The following SGCG variants were observed in gnomAD, a reference collection of about 807,000 sequenced individuals.
SGCG encodes the protein gamma-sarcoglycan.
A neutral mutation model predicts 29.3 loss-of-function variants in SGCG; 26 were observed. The observed-to-expected ratio is 0.89, with a 90% CI of 0.65 to 1.23. The LOEUF (loss-of-function observed/expected upper bound fraction) is 1.23. SGCG is among the 50% of genes most tolerant of loss of function. The pLI, the probability that SGCG is intolerant of heterozygous loss-of-function variation, is 0.00. For synonymous variants in SGCG, 145 were observed against 129.7 expected (o/e 1.12, Z -0.80); for missense variants, 353 against 356.0 (o/e 0.99, Z 0.07).
intron 4 of SGCG, among the ~76,000 whole-genome samples, chr13:23,267,269 G>A (rs1167801046): frequency 6.6e-6 from 1 of 152,164 alleles, no homozygotes; most frequent in Non-Finnish European, 1.5e-5. Flanking sequence ...CCTGATGCAC[G>A]AACAGAATCT....
intron 4 of SGCG, among the ~76,000 whole-genome samples, chr13:23,258,566 C>T (rs1880293931): frequency 2.0e-5 from 3 of 152,142 alleles, no homozygotes. Flanking sequence ...TTACCCTGGC[C>T]AGAACTTCCA....
Position 23,320,617 on chromosome 13 carries a change from G to GTTGTTTT in SGCG, c.579-20_579-19insTTGTTTT. The GTTGTTTT allele has an allele frequency of 1.1e-6, 1 of 912,350 alleles. No individual in the cohort carries two copies. Among genetic ancestry groups the GTTGTTTT allele is most frequent in the Non-Finnish European group, 1.5e-6 (1 of 671,286 alleles). The allele number at this position is 912,350 out of a possible 1,614,324, so 56.5% of individuals were successfully genotyped here. ...TAATACTTTTTTTTTTTTTTTTTGT[G>GTTGTTTT]CTTCTTTTCCTCATCTCAGATTAGA... is the stretch of plus-strand genomic sequence containing the variant. On this transcript the variant is annotated intron_variant, in intron 6 of 7. Coordinates refer to ENST00000218867, the MANE Select transcript of SGCG (RefSeq NM_000231.3).
chr13:23,183,036 G>A (rs1424466506), intron 1 of SGCG, among the ~76,000 whole-genome samples: 1 of 152,134 alleles, frequency 6.6e-6, no homozygotes, highest in Non-Finnish European at 1.5e-5. Context: ...AACATCTCTG[G>A]AAAGTCTAAC....
intron 7 of SGCG, 120 bp from the exon 8 acceptor site, chr13:23,324,248 G>A (rs1883147510): frequency 2.4e-6 from 2 of 840,410 alleles, no homozygotes; most frequent in Non-Finnish European, 2.0e-6. Flanking sequence ...ATAAAGTCAG[G>A]TGCCTATTTT....
rs551777066 is a variant in SGCG at position 23,317,315 on chromosome 13, G to T, written c.579-3322G>T. On this transcript the variant is annotated intron_variant, in intron 6 of 7. Coordinates refer to ENST00000218867, the MANE Select transcript of SGCG (RefSeq NM_000231.3). ...CATGCCCTGTGATTAAGGTCAATGG[G>T]AAACTACAACAGCCCAATCCAGGCA... 2.6e-5 allele frequency among the ~76,000 whole-genome samples: 4 copies of T among 152,290 alleles called. No homozygotes were observed. The South Asian group carries it at 8.3e-4, about 32-fold the overall frequency.
chr13:23,313,169 CT>C (rs11352200), intron 6 of SGCG, among the ~76,000 whole-genome samples: 39,919 of 145,798 alleles, frequency 0.27, 5,308 homozygotes, highest in East Asian at 0.35. Flanking sequence ...TCTTCTTCTT[CT>C]TTTTTTTTTT....
At chr13:23,218,221 T>C (rs1878505364) in intron 2 of SGCG, among the ~76,000 whole-genome samples, 1 of 152,176 alleles carries the variant, frequency 6.6e-6, no homozygotes, top group Non-Finnish European at 1.5e-5. Flanking sequence ...TAAGAAAACA[T>C]GTTAGTGTTC....
At chr13:23,250,888 G>A (rs1157588985) in intron 4 of SGCG, among the ~76,000 whole-genome samples, 171 bp downstream of exon 4, 3 of 152,174 alleles carry the variant, frequency 2.0e-5, no homozygotes, top group Non-Finnish European at 4.4e-5. Context: ...TGGGGTGGGG[G>A]GTGAGGGGAC....
At chr13:23,251,758 C>T (rs537733827) in intron 4 of SGCG, among the ~76,000 whole-genome samples, 95 of 152,056 alleles carry the variant, frequency 6.2e-4, no homozygotes, top group South Asian at 1.9e-3. Flanking sequence ...ATAAGAATAA[C>T]GAAGATATAT....
intron 2 of SGCG, among the ~76,000 whole-genome samples, chr13:23,206,263 C>T (rs1013811453): frequency 6.6e-6 from 1 of 152,160 alleles, no homozygotes; most frequent in African/African-American, 2.4e-5. Context: ...CAGCAGCTCT[C>T]TGGAACTTAC....
intron 2 of SGCG, among the ~76,000 whole-genome samples, chr13:23,219,880 G>A (rs1878589892): frequency 1.5e-5 from 2 of 129,436 alleles, no homozygotes; most frequent in Admixed American, 1.0e-4. Context: ...CGCCCAGGCT[G>A]GATGGAGTGC....
At chr13:23,201,916 G>A (rs1191455265) in intron 1 of SGCG, among the ~76,000 whole-genome samples, 1 of 152,144 alleles carries the variant, frequency 6.6e-6, no homozygotes, top group Admixed American at 6.5e-5. Flanking sequence ...TATTTCAAAT[G>A]ATAAGCACTT....
In SGCG at chr13:23,324,893, TC is replaced by T; in HGVS notation, c.*354del. Reference sequence around the variant, plus strand: ...GCCGTGTGGAGTTAATGTATGACGCTCCACTGTGGATATCTAATGCCCTGTT... The same window carrying T: ...GCCGTGTGGAGTTAATGTATGACGCTCACTGTGGATATCTAATGCCCTGTT... On this transcript the variant is annotated 3_prime_UTR_variant, in exon 8 of 8. Transcript: ENST00000218867. The T allele has an allele frequency of 5.5e-6, 2 of 361,980 alleles. No individual in the cohort carries two copies. The highest frequency in any genetic ancestry group is 2.2e-5 in the South Asian group (1 of 46,340). 22.4% of individuals were successfully genotyped at this position (361,980 alleles called of 1,614,324 possible).
At chr13:23,165,969 G>A in the SGCG span, among the ~76,000 whole-genome samples, 1 of 152,086 alleles carries the variant, frequency 6.6e-6, no homozygotes, top group African/African-American at 2.4e-5. Context: ...TTCCAAATAG[G>A]CAATCTTGTC....
chr13:23,243,777 A>T (rs1369497395), intron 3 of SGCG: 1 of 152,122 alleles, frequency 6.6e-6, no homozygotes, highest in Non-Finnish European at 1.5e-5. Flanking sequence ...CAATTTCCTC[A>T]TCCCTATATT....
At position 23,234,617 on chromosome 13, in the gene SGCG, A is replaced by T; in HGVS notation, c.202A>T (p.Met68Leu). ...TCTTTTTTTTTTTTAACAGGCAGGA[A>T]TGGGCCACTTGTGTGTAACAAAAGA... ...LKVMWFSPAG[M>L]GHLCVTKDGL... Residue 68 changes from methionine to leucine, a missense_variant, in exon 3 of 8, where the codon ATG (methionine) becomes TTG (leucine). By Grantham distance (15) the Met-to-Leu change is conservative. Transcript: ENST00000218867. 1 of 1,608,592 alleles carries T rather than the reference A, an allele frequency of 6.2e-7. No homozygotes were observed. The highest frequency in any genetic ancestry group is 1.3e-5 in the African/African-American group (1 of 74,828).
At chr13:23,277,196 C>A (rs1448897026) in intron 4 of SGCG, among the ~76,000 whole-genome samples, 9 of 152,080 alleles carry the variant, frequency 5.9e-5, no homozygotes, top group Admixed American at 4.6e-4. Context: ...GTAAGATGAA[C>A]CTCTAGTGAG....
intron 1 of SGCG, among the ~76,000 whole-genome samples, chr13:23,192,740 A>G (rs1877328065): frequency 6.6e-6 from 1 of 152,234 alleles, no homozygotes; most frequent in South Asian, 2.1e-4. Context: ...TGTATGAAGT[A>G]TGAGTAAAGA....
intron 3 of SGCG, among the ~76,000 whole-genome samples, chr13:23,238,541 C>A (rs925579996): frequency 6.6e-6 from 1 of 151,986 alleles, no homozygotes; most frequent in Non-Finnish European, 1.5e-5. Context: ...TACAGAAGGG[C>A]ATGGCTCAGA....
Sources: gnomAD v4.1 joint callset for allele counts (sites outside exome capture counted in the v4.1 genomes callset) on GRCh38, gnomAD v4.1.1 for gene constraint, MANE v1.5 for transcripts, NCBI Gene and HGNC (gene_info 2026-07-23, HGNC 2026-07-21) for gene names.